Variants in BUD13 observed in about 807,000 individuals in gnomAD.
The protein encoded by BUD13 is BUD13 spliceosome associated protein.
Under a neutral mutation model 62.5 loss-of-function variants are expected in BUD13, and 47 were observed. The ratio of observed to expected loss-of-function variants is 0.75; its 90% confidence interval spans 0.60 to 0.96. The LOEUF is 0.96. Among genes scored for constraint, BUD13 ranks in the 40% least tolerant of loss-of-function variants. BUD13 has a pLI of 0.00. For missense variants in BUD13, 821 were observed against 790.9 expected, an observed-to-expected ratio of 1.04 and a Z score of -0.46; for synonymous variants, 293 against 280.1, an observed-to-expected ratio of 1.05 and a Z score of -0.46.
chr11:116,761,981 A>T (rs1020234688), intron 4 of BUD13, among the ~76,000 whole-genome samples: 2 of 152,264 alleles, frequency 1.3e-5, no homozygotes, highest in African/African-American at 4.8e-5. Context: ...ACAACAGTTT[A>T]TGTACAAGGA....
chr11:116,763,546 A>G (rs1940477431), intron 3 of BUD13, among the ~76,000 whole-genome samples: 1 of 152,154 alleles, frequency 6.6e-6, no homozygotes, highest in Admixed American at 6.5e-5. Flanking sequence ...CCCTTGTATT[A>G]CAGCATGAAA....
intron 9 of BUD13, 77 bp from the exon 10 acceptor site, chr11:116,748,652 C>G (rs2134168397): frequency 7.2e-7 from 1 of 1,387,488 alleles, no homozygotes; most frequent in East Asian, 2.3e-5. Flanking sequence ...GAAGAGTTCA[C>G]AATATAATGA....
intron 1 of BUD13, among the ~76,000 whole-genome samples, chr11:116,772,094 C>CA (rs1940640596): frequency 6.6e-6 from 1 of 152,110 alleles, no homozygotes; most frequent in Non-Finnish European, 1.5e-5. Flanking sequence ...TTTTAAAAGG[C>CA]AAACAGTCAT....
intron 3 of BUD13, among the ~76,000 whole-genome samples, chr11:116,763,775 T>C (rs926458544): frequency 6.6e-6 from 1 of 152,236 alleles, no homozygotes; most frequent in Non-Finnish European, 1.5e-5. Context: ...TTTCAATAGG[T>C]AAATTGACTA....
chr11:116,762,617 G>A lies in BUD13; in HGVS notation c.972C>T (p.Ile324=). Residue 324 remains isoleucine (I), a synonymous_variant, in exon 4 of 10, where the codon ATC becomes ATT. Transcript: ENST00000260210. ...TTGCTTGCTTTTTTCGTGGAGGAGA[G>A]ATGTCAGGGTCATACTCATATTTGC... ...KNSKYEYDPD[I]SPPRKKQAKS... is the part of the protein sequence containing the mutation. 1.2e-6 allele frequency: 2 copies of A among 1,613,610 alleles called. No individual in the cohort carries two copies. The highest frequency in any genetic ancestry group is 1.7e-6 in the Non-Finnish European group (2 of 1,179,928).
At chr11:116,762,114 G>A (rs1248474855) in intron 4 of BUD13, among the ~76,000 whole-genome samples, 1 of 152,158 alleles carries the variant, frequency 6.6e-6, no homozygotes, top group African/African-American at 2.4e-5. Context: ...GATGTTTTAT[G>A]GCCTGAGGAA....
chr11:116,749,951 G>A (rs576696594), intron 9 of BUD13, among the ~76,000 whole-genome samples: 3 of 152,334 alleles, frequency 2.0e-5, no homozygotes, highest in South Asian at 2.1e-4. Flanking sequence ...GAGAGCACAA[G>A]AGTAGGAGCA....
At chr11:116,766,752 A>G (rs755528920) in intron 2 of BUD13, among the ~76,000 whole-genome samples, 16 of 152,142 alleles carry the variant, frequency 1.1e-4, no homozygotes, top group Non-Finnish European at 2.1e-4. Flanking sequence ...TCGTTTTACC[A>G]TTATTACTGG....
chr11:116,755,323 G>C (rs1463796756), intron 9 of BUD13, among the ~76,000 whole-genome samples: 1 of 152,176 alleles, frequency 6.6e-6, no homozygotes, highest in Non-Finnish European at 1.5e-5. Context: ...GTTAACAAAA[G>C]TGATTTTCTG....
chr11:116,760,527 T>A (rs1481436803), intron 5 of BUD13, among the ~76,000 whole-genome samples: 3 of 152,226 alleles, frequency 2.0e-5, no homozygotes, highest in Non-Finnish European at 4.4e-5. Context: ...AGAAGCTACT[T>A]GGGAAATCTG....
At chr11:116,772,381 C>T (rs1213831015) in intron 1 of BUD13, among the ~76,000 whole-genome samples, 1 of 152,190 alleles carries the variant, frequency 6.6e-6, no homozygotes, top group Non-Finnish European at 1.5e-5. Context: ...CACGTTAGGA[C>T]TATTACTAAG....
At chr11:116,750,647 C>T (rs751633501) in intron 9 of BUD13, among the ~76,000 whole-genome samples, 2 of 152,238 alleles carry the variant, frequency 1.3e-5, no homozygotes, top group Non-Finnish European at 2.9e-5. Flanking sequence ...ACACTCATTA[C>T]TTTCAGCCTG....
intron 6 of BUD13, among the ~76,000 whole-genome samples, 176 bp from the exon 7 acceptor site, chr11:116,758,583 C>CTTTTTTTT (rs397687372): frequency 3.4e-5 from 4 of 116,624 alleles, no homozygotes; most frequent in African/African-American, 6.3e-5. Context: ...TGGCATTTTC[C>CTTTTTTTT]TTTTTTTTTT....
In BUD13 at chr11:116,763,019, T is replaced by C. The variant is rs554437395; in HGVS notation, c.570A>G (p.Pro190=). 6.2e-6 allele frequency: 10 copies of C among 1,611,360 alleles called. No homozygotes were observed. Among genetic ancestry groups the C allele is most frequent in the Non-Finnish European group, 8.5e-6 (10 of 1,179,118 alleles). Residue 190 remains proline, a synonymous_variant, in exon 4 of 10, where the codon CCA becomes CCG. Coordinates refer to ENST00000260210, the MANE Select transcript of BUD13 (RefSeq NM_032725.4). ...CTGGAGAATCATGACGGGCCCTCCT[T>C]GGGGGTGAAGTGTCTGAGGAGTCAT... ...IRHDSSDTSP[P]RRARHDSPDP... is the part of the protein sequence containing the mutation.
intron 2 of BUD13, among the ~76,000 whole-genome samples, chr11:116,766,530 C>T (rs1374760982): frequency 1.3e-5 from 2 of 152,218 alleles, no homozygotes; most frequent in Non-Finnish European, 2.9e-5. Context: ...AAGATCTAAA[C>T]CCCAGCTCGG....
At chr11:116,771,318 C>T (rs1477888542) in intron 1 of BUD13, among the ~76,000 whole-genome samples, 2 of 152,154 alleles carry the variant, frequency 1.3e-5, no homozygotes, top group Admixed American at 6.5e-5. Context: ...TCCACAAGAA[C>T]AGGGACTATG....
At chr11:116,758,106 C>T (rs1299988564) in intron 7 of BUD13, among the ~76,000 whole-genome samples, 156 bp from the exon 8 acceptor site, 1 of 152,146 alleles carries the variant, frequency 6.6e-6, no homozygotes, top group African/African-American at 2.4e-5. Context: ...CCACTAGAAG[C>T]GTGGAATATA....
At chr11:116,768,999 G>A (rs943023710) in intron 2 of BUD13, among the ~76,000 whole-genome samples, 3 of 144,808 alleles carry the variant, frequency 2.1e-5, no homozygotes, top group South Asian at 2.2e-4. Context: ...TGGGCAACAC[G>A]GTGAGACTCC....
chr11:116,757,801 T>G lies in BUD13; in HGVS notation c.1649A>C (p.Lys550Thr). ...REGDPMANFIKKNKAKENKNK... is the reference protein window; with the variant it reads ...REGDPMANFITKNKAKENKNK... ...CTTGTTCTCCTTGGCCTTATTCTTC[T>G]TGATGAAGTTGGCCATAGGGTCCCC... The change falls in exon 8 of 10, where the codon AAG becomes ACG. Residue 550 changes from lysine (K) to threonine (T), a missense_variant. Around this residue, in one of 2 missense-constraint regions of BUD13, gnomAD observed 800 missense variants for 739.2 expected, o/e 1.08. Transcript: ENST00000260210. The G allele has an allele frequency of 6.2e-7, 1 of 1,613,798 alleles. No homozygotes were observed. Among genetic ancestry groups the G allele is most frequent in the South Asian group, 1.1e-5 (1 of 90,986 alleles).
Sources: allele counts gnomAD v4.1 joint callset (sites outside exome capture counted in the v4.1 genomes callset), GRCh38; gene constraint gnomAD v4.1.1; regional missense constraint gnomAD v4.1.1; transcripts MANE v1.5; gene names NCBI Gene and HGNC (gene_info 2026-07-23, HGNC 2026-07-21).